The following CFAP77 variants were observed in gnomAD, a reference collection of about 807,000 sequenced individuals.
CFAP77 encodes cilia- and flagella-associated protein 77.
CFAP77 carries 25 observed loss-of-function variants against 31.1 expected under a neutral mutation model. That is an observed-to-expected ratio of 0.80 (90% CI 0.59 to 1.12). CFAP77 has a LOEUF of 1.12. Ranked by LOEUF, CFAP77 falls within the 50% of genes most tolerant of loss-of-function variation. The pLI is 0.00. For missense variants in CFAP77, 377 were observed against 397.3 expected (o/e 0.95, Z 0.44); for synonymous variants, 151 against 159.9 (o/e 0.94, Z 0.42).
intron 1 of CFAP77, among the ~76,000 whole-genome samples, chr9:132,432,100 A>G (rs1850420773): frequency 6.6e-6 from 1 of 152,238 alleles, no homozygotes; most frequent in Non-Finnish European, 1.5e-5. Context: ...TCAGGGAACA[A>G]CAATTCAAAT....
At chr9:132,526,379 G>A (rs938842260) in intron 3 of CFAP77, among the ~76,000 whole-genome samples, 2 of 151,498 alleles carry the variant, frequency 1.3e-5, no homozygotes, top group South Asian at 2.1e-4. Context: ...ACAGGTGCCC[G>A]CCACCACGCC....
At chr9:132,566,439 G>A (rs1049691774) in intron 5 of CFAP77, among the ~76,000 whole-genome samples, 5 of 152,268 alleles carry the variant, frequency 3.3e-5, no homozygotes, top group Non-Finnish European at 5.9e-5. Flanking sequence ...AATGCACAGC[G>A]CCCAGCAAAT....
At chr9:132,458,358 G>GAGTGTA (rs1850966476) in intron 1 of CFAP77, among the ~76,000 whole-genome samples, 1 of 75,338 alleles carries the variant, frequency 1.3e-5, no homozygotes, top group African/African-American at 6.4e-5. Flanking sequence ...AGGGGGGGGG[G>GAGTGTA]TGTGTATGGA....
At chr9:132,459,913 TGA>T (rs1418604537) in intron 1 of CFAP77, among the ~76,000 whole-genome samples, 14 of 151,576 alleles carry the variant, frequency 9.2e-5, no homozygotes, top group Admixed American at 2.6e-4. Flanking sequence ...TGTGTGAGTG[TGA>T]GTTTGTATGA....
intron 3 of CFAP77, among the ~76,000 whole-genome samples, chr9:132,509,090 G>T (rs7864426): frequency 6.6e-6 from 1 of 152,160 alleles, no homozygotes; most frequent in Non-Finnish European, 1.5e-5. Flanking sequence ...AACGGCCAAC[G>T]CTGATGAGCA....
rs146120022 is a variant in CFAP77 at position 132,440,086 on chromosome 9, T to C, written c.195+29620T>C. Among the ~76,000 whole-genome samples, 184 of 152,088 alleles carry C rather than the reference T, an allele frequency of 1.2e-3. 3 individuals are homozygous for C. The East Asian group carries it at 0.028, about 23-fold the overall frequency. On this transcript the variant is annotated intron_variant, in intron 1 of 5. Transcript: ENST00000393216. ...CAGCAGCAATAACAATAATAACTGC[T>C]CTGGGAGGCCGAGGCGAGGGGATCA... is the stretch of plus-strand genomic sequence containing the variant.
intron 4 of CFAP77, 117 bp downstream of exon 4, chr9:132,537,823 G>C: frequency 1.4e-6 from 1 of 737,118 alleles, no homozygotes; most frequent in Non-Finnish European, 2.3e-6. Flanking sequence ...GGATGAGTGG[G>C]AAATCAGGTT....
At chr9:132,533,886 G>GA (rs1465741769) in intron 3 of CFAP77, among the ~76,000 whole-genome samples, 2 of 151,208 alleles carry the variant, frequency 1.3e-5, no homozygotes, top group South Asian at 2.1e-4. Flanking sequence ...ATCTCAAAAA[G>GA]AAAAAAAAGG....
chr9:132,485,998 A>G (rs1225516250), intron 1 of CFAP77, among the ~76,000 whole-genome samples: 11 of 6,762 alleles, frequency 1.6e-3, no homozygotes, highest in African/African-American at 0.013. Context: ...ATATATATAT[A>G]TATATATATA....
In CFAP77 at chr9:132,565,315, C is replaced by G. The variant is rs1256611241; in HGVS notation, c.733-7073C>G. Among the ~76,000 whole-genome samples the G allele has an allele frequency of 6.6e-6, 1 of 151,962 alleles. No homozygotes were observed. Among genetic ancestry groups the G allele is most frequent in the African/African-American group, 2.4e-5 (1 of 41,370 alleles). On this transcript the variant is annotated intron_variant, in intron 5 of 5. Coordinates refer to ENST00000393216, the MANE Select transcript of CFAP77 (RefSeq NM_001282957.2). This position sits in a 1 kb window ranked among gnomAD's most constrained non-coding sequence, Gnocchi z 4.1. ...TGAGCCCCAGATGGAGGTAGATTTC[C>G]CCAGTCCACAATCTTATTAAATAGC...
Position 132,572,543 on chromosome 9 carries a change from G to A in CFAP77, c.*33G>A, listed in dbSNP as rs1829974187. On this transcript the variant is annotated 3_prime_UTR_variant, in exon 6 of 6. Coordinates refer to ENST00000393216, the MANE Select transcript of CFAP77 (RefSeq NM_001282957.2). ...CTCCCCTGCCACAAGAAGCCATCTT[G>A]ACATAGTGGAAAATTCCCAGAAGGA... The A allele has an allele frequency of 6.7e-7, 1 of 1,485,234 alleles. No homozygotes were observed. The highest frequency in any genetic ancestry group is 1.4e-5 in the African/African-American group (1 of 71,342). The allele number at this position is 1,485,234 out of a possible 1,614,324, so 92.0% of individuals were successfully genotyped here. A position where few individuals can be genotyped will look rare whatever the true frequency, so the allele number is the denominator to read the frequency against.
chr9:132,453,903 G>C (rs545344777), intron 1 of CFAP77, among the ~76,000 whole-genome samples: 4 of 152,318 alleles, frequency 2.6e-5, no homozygotes, highest in South Asian at 4.1e-4. Context: ...TCAGAGAAAG[G>C]AGGACATTTG....
intron 3 of CFAP77, chr9:132,513,276 T>G: frequency 6.5e-7 from 1 of 1,548,702 alleles, no homozygotes; most frequent in Admixed American, 2.0e-5. Flanking sequence ...TCCAAACAAA[T>G]AGAAAAGTTC....
At chr9:132,457,148 CT>C (rs1318320790) in intron 1 of CFAP77, among the ~76,000 whole-genome samples, 2 of 152,086 alleles carry the variant, frequency 1.3e-5, no homozygotes, top group African/African-American at 4.8e-5. Flanking sequence ...ACCCCCACCC[CT>C]GAAGATGAGG....
intron 1 of CFAP77, among the ~76,000 whole-genome samples, chr9:132,457,315 G>C (rs998195881): frequency 6.9e-6 from 1 of 144,722 alleles, no homozygotes; most frequent in African/African-American, 2.5e-5. Flanking sequence ...GGGGTGGGGG[G>C]GCGGGGGGAG....
intron 1 of CFAP77, among the ~76,000 whole-genome samples, chr9:132,477,363 C>T (rs1242246364): frequency 1.4e-5 from 2 of 145,416 alleles, no homozygotes; most frequent in East Asian, 2.0e-4. Flanking sequence ...CTGGAGACAG[C>T]GCAGTGAGCA....
At chr9:132,540,801 C>T (rs1404466692) in intron 4 of CFAP77, among the ~76,000 whole-genome samples, 2 of 152,052 alleles carry the variant, frequency 1.3e-5, no homozygotes, top group East Asian at 1.9e-4. Flanking sequence ...GGGCACCTCT[C>T]GAATGAGGGT....
At chr9:132,534,869 A>G (rs1175907503) in intron 3 of CFAP77, among the ~76,000 whole-genome samples, 2 of 152,178 alleles carry the variant, frequency 1.3e-5, no homozygotes, top group African/African-American at 4.8e-5. Flanking sequence ...CTAATGCTCA[A>G]ATTGTCCTGT....
intron 1 of CFAP77, among the ~76,000 whole-genome samples, chr9:132,463,626 C>T (rs1851099979): frequency 6.6e-6 from 1 of 152,124 alleles, no homozygotes. Flanking sequence ...AAGGGGTCAC[C>T]GGGCTAATGA....
Sources: allele counts gnomAD v4.1 joint callset (sites outside exome capture counted in the v4.1 genomes callset), GRCh38; gene constraint gnomAD v4.1.1; non-coding constraint Gnocchi (gnomAD v3.1); transcripts MANE v1.5; gene names NCBI Gene and HGNC (gene_info 2026-07-23, HGNC 2026-07-21).